The following NELL1 variants were observed in gnomAD, a reference collection of about 807,000 sequenced individuals.
NELL1 encodes neural EGFL like 1, also known as protein kinase C-binding protein NELL1.
Under a neutral mutation model 107.4 loss-of-function variants are expected in NELL1, and 76 were observed. That is an observed-to-expected ratio of 0.71 (90% CI 0.59 to 0.86). The LOEUF is 0.86. NELL1 is among the 40% of genes least tolerant of loss of function. NELL1 has a pLI of 0.00. For synonymous variants in NELL1, 353 were observed against 341.2 expected, an observed-to-expected ratio of 1.03 and a Z score of -0.38; for missense variants, 1,024 against 1,005.5, an observed-to-expected ratio of 1.02 and a Z score of -0.25.
At chr11:21,129,585 A>G (rs1054041955) in intron 13 of NELL1, among the ~76,000 whole-genome samples, 1 of 152,194 alleles carries the variant, frequency 6.6e-6, no homozygotes, top group Non-Finnish European at 1.5e-5. Flanking sequence ...TTAAAAAGGT[A>G]GGAAATTCTG....
At chr11:21,412,820 G>C (rs1852411624) in intron 15 of NELL1, among the ~76,000 whole-genome samples, 1 of 152,058 alleles carries the variant, frequency 6.6e-6, no homozygotes. Flanking sequence ...TGGCATTTGG[G>C]TAAGGCAGAG....
At chr11:21,404,279 A>T (rs973334431) in intron 15 of NELL1, among the ~76,000 whole-genome samples, 2 of 151,966 alleles carry the variant, frequency 1.3e-5, no homozygotes, top group Admixed American at 1.3e-4. Flanking sequence ...GACCCACAGT[A>T]GGTCACACAC....
intron 12 of NELL1, among the ~76,000 whole-genome samples, chr11:21,063,267 G>T (rs9666634): frequency 1.3e-5 from 2 of 152,128 alleles, no homozygotes; most frequent in Non-Finnish European, 2.9e-5. Flanking sequence ...TGGAATCAGG[G>T]CGCATCAACC....
intron 13 of NELL1, among the ~76,000 whole-genome samples, chr11:21,126,570 G>T (rs1393555809): frequency 6.6e-6 from 1 of 152,122 alleles, no homozygotes; most frequent in Non-Finnish European, 1.5e-5. Flanking sequence ...GGGTTTTAAG[G>T]TTTGATCATG....
chr11:20,879,157 C>G (rs373001631), intron 4 of NELL1, among the ~76,000 whole-genome samples: 1 of 152,052 alleles, frequency 6.6e-6, no homozygotes, highest in East Asian at 1.9e-4. Flanking sequence ...AAGCTATTTC[C>G]TCCTTCCTTA....
intron 5 of NELL1, among the ~76,000 whole-genome samples, chr11:20,887,151 TTGTG>T (rs1849525959): frequency 6.6e-6 from 1 of 152,214 alleles, no homozygotes; most frequent in Non-Finnish European, 1.5e-5. Context: ...CACCAAGTTG[TTGTG>T]TGTATCAGTG....
At chr11:21,389,966 T>C (rs1851831184) in intron 15 of NELL1, among the ~76,000 whole-genome samples, 1 of 151,804 alleles carries the variant, frequency 6.6e-6, no homozygotes, top group African/African-American at 2.4e-5. Context: ...AGGTGTAGTT[T>C]TAGTAGATAC....
intron 5 of NELL1, among the ~76,000 whole-genome samples, chr11:20,904,880 G>A (rs1020320765): frequency 3.3e-5 from 5 of 151,720 alleles, no homozygotes; most frequent in African/African-American, 1.2e-4. Context: ...CCAAGCTGGA[G>A]GACAATGATA....
At chr11:20,724,490 A>G (rs537261034) in intron 2 of NELL1, among the ~76,000 whole-genome samples, 19 of 152,304 alleles carry the variant, frequency 1.2e-4, no homozygotes, top group African/African-American at 4.3e-4. Flanking sequence ...ACTCAAGCTG[A>G]AAGTCCCATA....
At chr11:21,021,735 A>G (rs1852706385) in intron 12 of NELL1, among the ~76,000 whole-genome samples, 1 of 152,096 alleles carries the variant, frequency 6.6e-6, no homozygotes, top group African/African-American at 2.4e-5. Context: ...TATAGTAATT[A>G]AACTATCAAA....
chr11:20,902,877 T>A (rs1240265895), intron 5 of NELL1, among the ~76,000 whole-genome samples: 5 of 152,038 alleles, frequency 3.3e-5, no homozygotes, highest in Admixed American at 6.6e-5. Context: ...CATGTATATA[T>A]TTCAAAATGC....
intron 15 of NELL1, among the ~76,000 whole-genome samples, chr11:21,424,667 A>G (rs1033252924): frequency 1.1e-4 from 17 of 152,102 alleles, no homozygotes; most frequent in African/African-American, 4.1e-4. Context: ...AAAAATGAGT[A>G]CGGTATGCTA....
intron 13 of NELL1, among the ~76,000 whole-genome samples, chr11:21,198,313 A>T (rs1857196850): frequency 6.6e-6 from 1 of 152,218 alleles, no homozygotes; most frequent in Non-Finnish European, 1.5e-5. Flanking sequence ...GAAGTAACAC[A>T]GCCACATTCT....
At chr11:21,121,135 G>C (rs1370677834) in intron 13 of NELL1, among the ~76,000 whole-genome samples, 1 of 152,290 alleles carries the variant, frequency 6.6e-6, no homozygotes, top group East Asian at 1.9e-4. Context: ...TCCAGTCAAG[G>C]TCAAGAGCCA....
chr11:20,769,909 GTTGT>G (rs1342731557), intron 2 of NELL1, among the ~76,000 whole-genome samples: 2 of 152,142 alleles, frequency 1.3e-5, no homozygotes, highest in African/African-American at 4.8e-5. Flanking sequence ...AAGAATATCT[GTTGT>G]CTAAGTTAGA....
chr11:21,568,880 T>A (rs1418635402), intron 17 of NELL1, among the ~76,000 whole-genome samples: 2 of 150,506 alleles, frequency 1.3e-5, no homozygotes, highest in African/African-American at 2.5e-5. Flanking sequence ...TTTTTTTTTT[T>A]TATAAGTAGG....
chr11:20,861,486 C>T (rs1452031868), intron 4 of NELL1, among the ~76,000 whole-genome samples: 1 of 152,176 alleles, frequency 6.6e-6, no homozygotes, highest in Non-Finnish European at 1.5e-5. Context: ...CAATACATCT[C>T]TCTTTCCTGT....
intron 2 of NELL1, among the ~76,000 whole-genome samples, chr11:20,735,036 G>C (rs1855729716): frequency 6.6e-6 from 1 of 152,158 alleles, no homozygotes; most frequent in Admixed American, 6.5e-5. Flanking sequence ...GGCCTAGACT[G>C]ATCCCGGGAT....
intron 14 of NELL1, among the ~76,000 whole-genome samples, chr11:21,342,753 T>G (rs1174031880): frequency 6.6e-6 from 1 of 151,664 alleles, no homozygotes; most frequent in Non-Finnish European, 1.5e-5. Flanking sequence ...ATAGTATGCA[T>G]GTGAGGAACT....
Sources: allele counts gnomAD v4.1 joint callset (sites outside exome capture counted in the v4.1 genomes callset), GRCh38; gene constraint gnomAD v4.1.1; transcripts MANE v1.5; gene names NCBI Gene and HGNC (gene_info 2026-07-23, HGNC 2026-07-21).